Variants in UQCC1 observed in about 807,000 individuals in gnomAD.
UQCC1 encodes bFGF-repressed Zic-binding protein.
A neutral mutation model predicts 48.0 loss-of-function variants in UQCC1; 38 were observed. The ratio of observed to expected loss-of-function variants is 0.79; its 90% CI spans 0.61 to 1.04. The LOEUF is 1.04. Among genes scored for constraint, UQCC1 ranks in the 50% least tolerant of loss-of-function variants. The probability of loss-of-function intolerance (pLI) is 0.00; values close to 1 mark genes in which losing one functional copy is unlikely to be tolerated. For missense variants in UQCC1, 368 were observed against 381.8 expected, an observed-to-expected ratio of 0.96 and a Z score of 0.30; for synonymous variants, 111 against 129.2, an observed-to-expected ratio of 0.86 and a Z score of 0.95.
chr20:35,314,561 G>T (rs2061035896), intron 8 of UQCC1, 127 bp downstream of exon 8: 1 of 665,264 alleles, frequency 1.5e-6, no homozygotes, highest in Non-Finnish European at 2.5e-6. Flanking sequence ...TGAATATGAA[G>T]AAATAAATAC....
chr20:35,403,739 G>C (rs958269920), intron 1 of UQCC1, among the ~76,000 whole-genome samples: 6 of 152,138 alleles, frequency 3.9e-5, no homozygotes, highest in African/African-American at 1.4e-4. Context: ...CCATAAAAAA[G>C]GATGAGTTCA....
intron 7 of UQCC1, among the ~76,000 whole-genome samples, chr20:35,316,056 C>G (rs1429931957): frequency 1.3e-5 from 2 of 152,164 alleles, no homozygotes; most frequent in Non-Finnish European, 2.9e-5. Context: ...GACCTCCAGA[C>G]AGTAACACGC....
At chr20:35,402,510 G>A (rs919148461) in intron 1 of UQCC1, among the ~76,000 whole-genome samples, 9 of 151,694 alleles carry the variant, frequency 5.9e-5, no homozygotes, top group Non-Finnish European at 1.2e-4. Flanking sequence ...CCTGGGAGGC[G>A]GAGCTTGCAG....
chr20:35,321,275 TGTGTGTGTGC>T lies in UQCC1; in HGVS notation c.574-6520_574-6511del, dbSNP rs771184812. On this transcript the variant is annotated intron_variant, in intron 7 of 9. Transcript: ENST00000374385. Reference sequence around the variant, plus strand: ...AACTGTGTGTGTGTGTGTGTGTGTGTGTGTGTGTGCGCGCGCGCGCGCGCACGCTCAGGCA... The same window carrying T: ...AACTGTGTGTGTGTGTGTGTGTGTGTGCGCGCGCGCGCGCACGCTCAGGCA... 8.0e-4 allele frequency among the ~76,000 whole-genome samples: 117 copies of T among 145,724 alleles called. 1 individual carries two copies. Among genetic ancestry groups the T allele is most frequent in the East Asian group, 3.6e-3 (18 of 4,964 alleles).
intron 5 of UQCC1, 81 bp from the exon 6 acceptor site, chr20:35,366,695 G>A: frequency 8.2e-7 from 1 of 1,223,782 alleles, no homozygotes; most frequent in African/African-American, 1.5e-5. Context: ...GGCAGGCACG[G>A]CACTTATGGT....
intron 2 of UQCC1, among the ~76,000 whole-genome samples, chr20:35,384,985 A>AG (rs1383808282): frequency 6.6e-6 from 1 of 150,904 alleles, no homozygotes; most frequent in African/African-American, 2.5e-5. Context: ...AAAAAAAAAA[A>AG]AAAAAAAAGA....
intron 1 of UQCC1, among the ~76,000 whole-genome samples, chr20:35,400,414 G>C (rs1177221996): frequency 2.0e-5 from 3 of 151,790 alleles, no homozygotes; most frequent in Non-Finnish European, 2.9e-5. Context: ...TTTAACTTAA[G>C]ATAAATGCAC....
At chr20:35,368,692 C>A (rs1038214804) in intron 5 of UQCC1, among the ~76,000 whole-genome samples, 1 of 152,224 alleles carries the variant, frequency 6.6e-6, no homozygotes, top group African/African-American at 2.4e-5. Flanking sequence ...AACGTGTGGG[C>A]AGCCACAATA....
intron 4 of UQCC1, among the ~76,000 whole-genome samples, chr20:35,377,037 C>T (rs2061810361): frequency 6.6e-6 from 1 of 151,250 alleles, no homozygotes; most frequent in Non-Finnish European, 1.5e-5. Context: ...TGCCAGAAAA[C>T]AAGAAGAAAG....
chr20:35,391,011 C>T (rs924914398), intron 2 of UQCC1, among the ~76,000 whole-genome samples: 2 of 152,090 alleles, frequency 1.3e-5, no homozygotes, highest in Non-Finnish European at 2.9e-5. Context: ...GCCTGGCCAA[C>T]GTGGCAAAAC....
At chr20:35,317,220 G>A (rs1396974653) in intron 7 of UQCC1, among the ~76,000 whole-genome samples, 2 of 152,210 alleles carry the variant, frequency 1.3e-5, no homozygotes, top group Non-Finnish European at 2.9e-5. Context: ...TTACAGGCGT[G>A]AGCCACTGCG....
intron 7 of UQCC1, among the ~76,000 whole-genome samples, chr20:35,332,415 T>C (rs2061267287): frequency 1.3e-5 from 2 of 152,334 alleles, no homozygotes; most frequent in Middle Eastern, 3.4e-3. Flanking sequence ...CCATGCTGGC[T>C]TTAACAGAAG....
intron 1 of UQCC1, chr20:35,410,146 T>C (rs1233986137): frequency 2.0e-5 from 3 of 152,048 alleles, no homozygotes; most frequent in Admixed American, 6.6e-5. Flanking sequence ...ATCTGTAAAA[T>C]AGAGGAAATA....
intron 7 of UQCC1, among the ~76,000 whole-genome samples, chr20:35,327,303 G>A (rs773865485): frequency 2.0e-5 from 3 of 152,242 alleles, no homozygotes; most frequent in Admixed American, 1.3e-4. Flanking sequence ...ACAGGTCACA[G>A]AATGTTTGTC....
At chr20:35,346,948 C>A in intron 7 of UQCC1, 1 of 1,481,788 alleles carries the variant, frequency 6.7e-7, no homozygotes, top group Non-Finnish European at 9.0e-7. Context: ...TGACTTCACA[C>A]TGACAAATCA....
intron 8 of UQCC1, 198 bp from the exon 9 acceptor site, chr20:35,306,977 T>G: frequency 1.6e-6 from 1 of 618,188 alleles, no homozygotes; most frequent in Non-Finnish European, 3.0e-6. Flanking sequence ...CTTCATTTTA[T>G]TACATACAGA....
intron 7 of UQCC1, among the ~76,000 whole-genome samples, chr20:35,331,892 T>C (rs2061261230): frequency 6.6e-6 from 1 of 152,226 alleles, no homozygotes; most frequent in Non-Finnish European, 1.5e-5. Flanking sequence ...AGCTCCCATT[T>C]ATCAAGTACT....
chr20:35,395,133 T>C (rs887517417), intron 1 of UQCC1, among the ~76,000 whole-genome samples: 3 of 152,128 alleles, frequency 2.0e-5, no homozygotes, highest in African/African-American at 4.8e-5. Flanking sequence ...AACCCAGGGA[T>C]TTCTATGGAG....
At chr20:35,383,973 T>A in intron 3 of UQCC1, 65 bp downstream of exon 3, 2 of 1,430,370 alleles carry the variant, frequency 1.4e-6, no homozygotes, top group East Asian at 2.3e-5. Flanking sequence ...AACAATTTTG[T>A]TGAGATCCAA....
Sources: allele counts gnomAD v4.1 joint callset (sites outside exome capture counted in the v4.1 genomes callset), GRCh38; gene constraint gnomAD v4.1.1; transcripts MANE v1.5; gene names NCBI Gene and HGNC (gene_info 2026-07-23, HGNC 2026-07-21).